MTRR: variants seen among roughly 807,000 people sequenced by gnomAD.
MTRR encodes the protein 5-methyltetrahydrofolate-homocysteine methyltransferase reductase.
Under a neutral mutation model 79.2 loss-of-function variants are expected in MTRR, and 63 were observed. That is an observed-to-expected ratio of 0.80 (90% CI 0.65 to 0.98). MTRR has a LOEUF of 0.98. MTRR is among the 50% of genes least tolerant of loss of function. MTRR has a pLI of 0.00. For missense variants in MTRR, 895 were observed against 839.6 expected, an observed-to-expected ratio of 1.07 and a Z score of -0.82; for synonymous variants, 355 against 313.3, an observed-to-expected ratio of 1.13 and a Z score of -1.41.
chr5:7,887,756 A>T (rs1287281154), intron 8 of MTRR, among the ~76,000 whole-genome samples: 2 of 141,336 alleles, frequency 1.4e-5, no homozygotes, highest in East Asian at 4.1e-4. Context: ...GTGTGTATAT[A>T]TGTGTGTGTA....
At chr5:7,875,834 T>TA (rs1486175351) in intron 4 of MTRR, among the ~76,000 whole-genome samples, 1 of 152,246 alleles carries the variant, frequency 6.6e-6, no homozygotes, top group African/African-American at 2.4e-5. Context: ...GGCGTGCTCT[T>TA]ACCGTCTGAA....
At chr5:7,875,163 T>A (rs1447056423) in intron 3 of MTRR, 95 bp from the exon 4 acceptor site, 1 of 878,608 alleles carries the variant, frequency 1.1e-6, no homozygotes, top group East Asian at 2.4e-5. Context: ...CATAAGAGCA[T>A]GAAATAGTAT....
chr5:7,852,587 C>T (rs912376212), intron 1 of MTRR, among the ~76,000 whole-genome samples: 1 of 152,104 alleles, frequency 6.6e-6, no homozygotes, highest in African/African-American at 2.4e-5. Flanking sequence ...GAGAGGGTGA[C>T]ATATCCCTGG....
intron 1 of MTRR, chr5:7,869,726 C>G (rs1283447372): frequency 5.3e-6 from 1 of 188,934 alleles, no homozygotes; most frequent in Non-Finnish European, 1.1e-5. Context: ...AAGGTGGTGC[C>G]GGATTGTGGG....
intron 5 of MTRR, among the ~76,000 whole-genome samples, chr5:7,879,597 GA>G (rs1163797965): frequency 6.6e-6 from 1 of 151,696 alleles, no homozygotes; most frequent in Non-Finnish European, 1.5e-5. Context: ...ATATAAATAT[GA>G]AATAATATAC....
At position 7,885,330 on chromosome 5, in the gene MTRR, CGT is replaced by C. The variant is rs1015393262; in HGVS notation, c.904-361_904-360del. On this transcript the variant is annotated intron_variant, in intron 6 of 14. Coordinates refer to ENST00000440940, the MANE Select transcript of MTRR (RefSeq NM_002454.3). ...TTCTTTTGGTCATAATGTATGTTTT[CGT>C]GTGTGTGTGCATGTATGTTTTTGTA... The C allele has an allele frequency of 3.2e-5, 7 of 216,434 alleles. No individual in the cohort carries two copies. The East Asian group carries it at 7.7e-4, about 24-fold the overall frequency. The allele number at this position is 216,434 out of a possible 1,614,324, so 13.4% of individuals were successfully genotyped here. A position where few individuals can be genotyped will look rare whatever the true frequency, so the allele number is the denominator to read the frequency against.
At chr5:7,867,745 T>C, upstream of MTRR, 4 of 1,614,248 alleles carry the variant, frequency 2.5e-6, no homozygotes, top group Non-Finnish European at 3.4e-6. Context: ...TTAGCACTTC[T>C]TCTGATGAAG....
chr5:7,892,788 A>G lies in MTRR; in HGVS notation c.1432A>G (p.Thr478Ala). 6.2e-7 allele frequency: 1 copy of G among 1,614,198 alleles called. No homozygotes were observed. ...CTTCAACATTGTGGAATTTCTGTCT[A>G]CTGCCACAACAGAGGTTCTGCGGAA... ...FVFNIVEFLSTATTEVLRKGV... is the reference protein window; with the variant it reads ...FVFNIVEFLSAATTEVLRKGV... Residue 478 changes from threonine to alanine, a missense_variant, in exon 11 of 15, where the codon ACT becomes GCT. Physicochemically the swap from Thr to Ala is moderately conservative, Grantham distance 58. Transcript: ENST00000440940.
At chr5:7,865,551 C>A (rs1195630935), upstream of MTRR, among the ~76,000 whole-genome samples, 1 of 152,148 alleles carries the variant, frequency 6.6e-6, no homozygotes, top group Non-Finnish European at 1.5e-5. Context: ...TTTGTTCAGT[C>A]CAGACATTCA....
chr5:7,871,706 G>A (rs1748032509), intron 2 of MTRR, among the ~76,000 whole-genome samples: 2 of 152,152 alleles, frequency 1.3e-5, no homozygotes, highest in South Asian at 4.1e-4. Context: ...TGCAGCTCAA[G>A]TGAATTATAA....
upstream of MTRR, chr5:7,865,993 A>T (rs17184211): frequency 0.18 from 292,737 of 1,607,630 alleles, 29,745 homozygotes; most frequent in Non-Finnish European, 0.21. Flanking sequence ...CCTGAAACAG[A>T]AAGCATCCCA....
At chr5:7,886,579 A>G (rs1360251352) in intron 7 of MTRR, 36 bp from the exon 8 acceptor site, 3 of 1,450,276 alleles carry the variant, frequency 2.1e-6, no homozygotes, top group Non-Finnish European at 2.9e-6. Context: ...TTCATCTTCT[A>G]TGTCATGAAC....
upstream of MTRR, chr5:7,868,959 G>C (rs1303961227): frequency 5.4e-6 from 4 of 743,974 alleles, no homozygotes; most frequent in Admixed American, 3.8e-5. Context: ...ACTGCGCGGA[G>C]ACCCCGCGTT....
At chr5:7,885,938 G>T (rs905351730) in intron 7 of MTRR, 84 bp downstream of exon 7, 1 of 1,582,336 alleles carries the variant, frequency 6.3e-7, no homozygotes, top group Non-Finnish European at 8.7e-7. Flanking sequence ...TAAGGTTCAG[G>T]GTCCTGTGTG....
upstream of MTRR, chr5:7,868,974 C>T: frequency 1.2e-6 from 1 of 825,212 alleles, no homozygotes; most frequent in East Asian, 2.5e-5. Flanking sequence ...CGCGTTGACA[C>T]CTACCGCGCT....
At chr5:7,870,154 C>T in intron 1 of MTRR, 1 of 800,034 alleles carries the variant, frequency 1.2e-6, no homozygotes, top group Non-Finnish European at 1.5e-6. Flanking sequence ...TATATGCACC[C>T]GTTTGTATAT....
chr5:7,875,673 T>C (rs915177150), intron 4 of MTRR, among the ~76,000 whole-genome samples: 13 of 152,230 alleles, frequency 8.5e-5, no homozygotes, highest in Non-Finnish European at 1.8e-4. Context: ...AATCAGCTTG[T>C]TCTTTAGGAA....
chr5:7,896,295 A>G (rs983940917), intron 12 of MTRR: 24 of 187,106 alleles, frequency 1.3e-4, no homozygotes, highest in Non-Finnish European at 2.7e-4. Context: ...GAACAGAAGT[A>G]TTTGATATGA....
upstream of MTRR, chr5:7,867,339 C>T (rs562963735): frequency 1.2e-6 from 2 of 1,614,064 alleles, no homozygotes; most frequent in African/African-American, 1.3e-5. Context: ...GTAAATGTTT[C>T]CAATTTTTCA....
Sources: gnomAD v4.1 joint callset for allele counts (sites outside exome capture counted in the v4.1 genomes callset) on GRCh38, gnomAD v4.1.1 for gene constraint, MANE v1.5 for transcripts, NCBI Gene and HGNC (gene_info 2026-07-23, HGNC 2026-07-21) for gene names.